The following CNTNAP2 variants were observed in gnomAD, a reference collection of about 807,000 sequenced individuals.
CNTNAP2 encodes the protein contactin associated protein 2.
A neutral mutation model predicts 155.2 loss-of-function variants in CNTNAP2; 98 were observed. The ratio of observed to expected loss-of-function variants is 0.63; its 90% CI spans 0.54 to 0.75. The LOEUF is 0.75. Among genes scored for constraint, CNTNAP2 ranks in the 30% least tolerant of loss-of-function variants. The pLI, the probability that CNTNAP2 is intolerant of heterozygous loss-of-function variation, is 0.00. For synonymous variants in CNTNAP2, 651 were observed against 631.2 expected, an observed-to-expected ratio of 1.03 and a Z score of -0.47; for missense variants, 1,727 against 1,688.1, an observed-to-expected ratio of 1.02 and a Z score of -0.40.
At chr7:147,117,216 C>G (rs1173150002) in intron 5 of CNTNAP2, among the ~76,000 whole-genome samples, 1 of 152,156 alleles carries the variant, frequency 6.6e-6, no homozygotes, top group Non-Finnish European at 1.5e-5. Flanking sequence ...CACCCTGTCT[C>G]TGTGCATGAT....
intron 3 of CNTNAP2, among the ~76,000 whole-genome samples, chr7:146,860,420 T>C (rs1488087598): frequency 6.6e-6 from 1 of 152,136 alleles, no homozygotes; most frequent in African/African-American, 2.4e-5. Flanking sequence ...GTGTGTGGCC[T>C]GGAGCTGAGA....
chr7:147,732,244 G>A (rs1796755513), intron 13 of CNTNAP2, among the ~76,000 whole-genome samples: 1 of 135,208 alleles, frequency 7.4e-6, no homozygotes, highest in East Asian at 2.3e-4. Flanking sequence ...GTGTCCAAGT[G>A]TTCTCATTGT....
At chr7:146,706,594 G>C (rs749477589) in intron 1 of CNTNAP2, among the ~76,000 whole-genome samples, 1 of 152,090 alleles carries the variant, frequency 6.6e-6, no homozygotes, top group Non-Finnish European at 1.5e-5. Flanking sequence ...CCATAAAAAA[G>C]GATGAGATTA....
In CNTNAP2 at chr7:146,229,601, T is replaced by G. The variant is rs987686495; in HGVS notation, c.97+112628T>G. ...GAGAATGCATTGTTACATTAATTTT[T>G]TTTTTATATCATCCCAACTATGGAA... is the stretch of plus-strand genomic sequence containing the variant. On this transcript the variant is annotated intron_variant, in intron 1 of 23. Transcript: ENST00000361727. Among the ~76,000 whole-genome samples, 4 of 152,296 alleles carry G rather than the reference T, an allele frequency of 2.6e-5. No homozygotes were observed. The East Asian group carries it at 7.7e-4, about 29-fold the overall frequency.
chr7:147,669,112 C>G (rs1414754353), intron 13 of CNTNAP2, among the ~76,000 whole-genome samples: 1 of 152,104 alleles, frequency 6.6e-6, no homozygotes. Flanking sequence ...ACCATATAGC[C>G]TAGCTGTGTA....
intron 9 of CNTNAP2, among the ~76,000 whole-genome samples, chr7:147,371,326 T>C (rs546303483): frequency 2.6e-4 from 40 of 152,318 alleles, no homozygotes; most frequent in Non-Finnish European, 5.0e-4. Flanking sequence ...AAACCCCATT[T>C]ATTTTCTAAG....
intron 1 of CNTNAP2, among the ~76,000 whole-genome samples, chr7:146,388,851 G>A (rs1795499428): frequency 6.6e-6 from 1 of 152,094 alleles, no homozygotes; most frequent in Non-Finnish European, 1.5e-5. Context: ...AAATAAGCAA[G>A]AATGTGTGAT....
intron 3 of CNTNAP2, among the ~76,000 whole-genome samples, chr7:146,924,436 G>A (rs938430901): frequency 1.3e-5 from 2 of 151,950 alleles, no homozygotes; most frequent in Non-Finnish European, 2.9e-5. Flanking sequence ...AAATCACAAA[G>A]TATTTAGCAA....
chr7:147,056,853 C>G (rs1323030539), intron 4 of CNTNAP2, among the ~76,000 whole-genome samples: 1 of 152,120 alleles, frequency 6.6e-6, no homozygotes, highest in African/African-American at 2.4e-5. Flanking sequence ...TCACTGTAGC[C>G]TCGACCTCCT....
chr7:147,474,423 C>T (rs1259209980), intron 10 of CNTNAP2, among the ~76,000 whole-genome samples: 3 of 152,000 alleles, frequency 2.0e-5, no homozygotes, highest in South Asian at 4.1e-4. Flanking sequence ...GGTGAAACCC[C>T]GTCTCTACTT....
At chr7:147,925,292 G>GCGCACACA (rs1345390357) in intron 14 of CNTNAP2, among the ~76,000 whole-genome samples, 1 of 143,116 alleles carries the variant, frequency 7.0e-6, no homozygotes, top group African/African-American at 2.6e-5. Context: ...AAGCGCGCGC[G>GCGCACACA]CACACACACA....
chr7:147,501,827 AC>A (rs1196461628), intron 11 of CNTNAP2, among the ~76,000 whole-genome samples: 5 of 152,218 alleles, frequency 3.3e-5, no homozygotes, highest in Non-Finnish European at 7.4e-5. Flanking sequence ...AGAAAACCCT[AC>A]AGACTCCACC....
intron 1 of CNTNAP2, among the ~76,000 whole-genome samples, chr7:146,431,703 A>G (rs1378122664): frequency 1.3e-5 from 2 of 152,094 alleles, no homozygotes; most frequent in Non-Finnish European, 1.5e-5. Flanking sequence ...CACCAAAGTC[A>G]CACAGCTGGT....
intron 4 of CNTNAP2, among the ~76,000 whole-genome samples, chr7:147,047,110 T>A (rs1193366873): frequency 1.4e-5 from 2 of 139,502 alleles, no homozygotes; most frequent in Non-Finnish European, 1.6e-5. Context: ...TGTTTCTTTT[T>A]TTTTTTTTTT....
chr7:147,734,505 C>T (rs569488076), intron 13 of CNTNAP2, among the ~76,000 whole-genome samples: 90 of 152,040 alleles, frequency 5.9e-4, no homozygotes, highest in African/African-American at 1.4e-3. Context: ...TGCCAGGCTT[C>T]GGTATCAGGA....
intron 1 of CNTNAP2, among the ~76,000 whole-genome samples, chr7:146,155,983 C>T (rs576124634): frequency 7.2e-5 from 11 of 152,108 alleles, no homozygotes; most frequent in East Asian, 5.8e-4. Flanking sequence ...GGATTACAGG[C>T]GTGAGCCACT....
chr7:147,668,199 A>G (rs1795730681), intron 13 of CNTNAP2, among the ~76,000 whole-genome samples: 2 of 152,228 alleles, frequency 1.3e-5, no homozygotes, highest in African/African-American at 4.8e-5. Flanking sequence ...GGAAATTCAC[A>G]GTGAAAGGTT....
chr7:147,582,008 A>G (rs1379015367), intron 12 of CNTNAP2, among the ~76,000 whole-genome samples: 1 of 152,218 alleles, frequency 6.6e-6, no homozygotes, highest in Non-Finnish European at 1.5e-5. Context: ...AAAAAGATAT[A>G]AAGAATTGTA....
chr7:146,826,165 C>G (rs1437456567), intron 2 of CNTNAP2, among the ~76,000 whole-genome samples: 1 of 152,008 alleles, frequency 6.6e-6, no homozygotes, highest in Non-Finnish European at 1.5e-5. Flanking sequence ...AAACAATAAA[C>G]TATATTTAGT....
Sources: allele counts gnomAD v4.1 joint callset (sites outside exome capture counted in the v4.1 genomes callset), GRCh38; gene constraint gnomAD v4.1.1; transcripts MANE v1.5; gene names NCBI Gene and HGNC (gene_info 2026-07-23, HGNC 2026-07-21).